Variants in TRIM64C observed in about 807,000 individuals in gnomAD.
TRIM64C encodes the protein tripartite motif-containing protein 64C.
In TRIM64C, 25 loss-of-function variants were observed where a neutral mutation model predicts 36.1. The observed-to-expected ratio is 0.69, with a 90% confidence interval of 0.51 to 0.97. The LOEUF is 0.97. TRIM64C is among the 50% of genes least tolerant of loss of function. TRIM64C has a pLI of 0.00. For synonymous variants in TRIM64C, 212 were observed against 185.7 expected, an observed-to-expected ratio of 1.14 and a Z score of -1.15; for missense variants, 489 against 536.8, an observed-to-expected ratio of 0.91 and a Z score of 0.88.
rs1475360704 is a variant in TRIM64C, at chr11:49,054,017, G to T, written c.1050C>A (p.Ser350=). 6.4e-7 allele frequency: 1 copy of T among 1,551,598 alleles called. No homozygotes were observed. Among genetic ancestry groups the T allele is most frequent in the Non-Finnish European group, 8.7e-7 (1 of 1,146,850 alleles). ...GACAGACTCCCAGAATCCAGTTGGAGGAGTGGGTCACATCCACTTCCCAGT... is the reference window on the plus strand; with the variant it reads ...GACAGACTCCCAGAATCCAGTTGGATGAGTGGGTCACATCCACTTCCCAGT... ...KHYWEVDVTH[S]SNWILGVCRD... Residue 350 remains serine (S), a synonymous_variant, in exon 6 of 6, where the codon TCC becomes TCA. Transcript: ENST00000617704.
intron 2 of TRIM64C, 166 bp downstream of exon 2, chr11:49,057,912 T>A: frequency 3.6e-6 from 2 of 556,890 alleles, no homozygotes; most frequent in Non-Finnish European, 6.3e-6. Context: ...TTGGCTAGCT[T>A]GTGTGGGCTT....
rs1485292333 is a variant in TRIM64C, at chr11:49,053,809, A to C, written c.1258T>G (p.Phe420Val). ...AGAGAACCTTTAGAAACATCAAAAA[A>C]ACTCACAGATCCATTATCATAATCC... ...FLDYDNGSVSFFDVSKGSLIY... is the reference protein window; with the variant it reads ...FLDYDNGSVSVFDVSKGSLIY... Residue 420 changes from phenylalanine (F) to valine (V), a missense_variant, in exon 6 of 6, where the codon TTT becomes GTT. Physicochemically the swap from Phe to Val is conservative, Grantham distance 50. Coordinates refer to ENST00000617704, the MANE Select transcript of TRIM64C (RefSeq NM_001206631.1). The C allele has an allele frequency of 6.4e-7, 1 of 1,551,708 alleles. No homozygotes were observed. Among genetic ancestry groups the C allele is most frequent in the Admixed American group, 2.0e-5 (1 of 51,000 alleles).
intron 1 of TRIM64C, 150 bp downstream of exon 1, chr11:49,058,551 A>G: frequency 1.4e-6 from 2 of 1,439,052 alleles, no homozygotes; most frequent in South Asian, 1.4e-5. Flanking sequence ...CAAATTAGTC[A>G]GCAACATTGA....
Position 49,054,120 on chromosome 11 carries a change from CG to C in TRIM64C, c.946del (p.Arg316AlafsTer32). ...VRRVIFGDDH[R>X]SAPMDPQGVE... Reference sequence around the variant, plus strand: ...TCCTTGGGGATCCATGGGTGCACTGCGATGGTCATCTCCAAATATCACACGT... The same window carrying C: ...TCCTTGGGGATCCATGGGTGCACTGCATGGTCATCTCCAAATATCACACGT... On this transcript the variant is annotated frameshift_variant, in exon 6 of 6. Coordinates refer to ENST00000617704, the MANE Select transcript of TRIM64C (RefSeq NM_001206631.1). LOFTEE classifies it low-confidence loss of function (END_TRUNC). The C allele has an allele frequency of 6.4e-7, 1 of 1,551,560 alleles. No homozygotes were observed. Among genetic ancestry groups the C allele is most frequent in the South Asian group, 1.2e-5 (1 of 84,054 alleles).
intron 4 of TRIM64C, 141 bp from the exon 5 acceptor site, chr11:49,055,548 A>G (rs1854803457): frequency 1.8e-6 from 2 of 1,128,278 alleles, no homozygotes; most frequent in Admixed American, 2.6e-5. Flanking sequence ...TTTATTCCAC[A>G]CTCTAGGGGC....
intron 3 of TRIM64C, among the ~76,000 whole-genome samples, chr11:49,056,846 T>C (rs1384667922): frequency 2.0e-5 from 3 of 151,930 alleles, no homozygotes; most frequent in Non-Finnish European, 4.4e-5. Context: ...GGCATATACA[T>C]GGATATTACT....
chr11:49,055,486 A>T, intron 4 of TRIM64C, 79 bp from the exon 5 acceptor site: 1 of 1,508,444 alleles, frequency 6.6e-7, no homozygotes, highest in Non-Finnish European at 8.9e-7. Flanking sequence ...TCATATTTTC[A>T]TATAAGATGT....
intron 5 of TRIM64C, among the ~76,000 whole-genome samples, 161 bp downstream of exon 5, chr11:49,055,149 C>T (rs1013041361): frequency 2.0e-5 from 3 of 152,136 alleles, no homozygotes; most frequent in African/African-American, 7.2e-5. Flanking sequence ...GAGTTTTGAT[C>T]ATTGTAATAT....
rs1200736375 is a variant in TRIM64C at position 49,058,616 on chromosome 11, T to A, written c.412+85A>T. 13 of 1,522,380 alleles carry A rather than the reference T, an allele frequency of 8.5e-6. No homozygotes were observed. In the African/African-American group the frequency reaches 1.2e-4, roughly 15 times the overall value. 94.3% of individuals were successfully genotyped at this position (1,522,380 alleles called of 1,614,324 possible). A position where few individuals can be genotyped will look rare whatever the true frequency, so the allele number is the denominator to read the frequency against. Reference sequence around the variant, plus strand: ...TGGAATAATCGCCACCTCCACTATCTGCATTCTCATCACCATCATTATCAC... The same window carrying A: ...TGGAATAATCGCCACCTCCACTATCAGCATTCTCATCACCATCATTATCAC... On this transcript the variant is annotated intron_variant, in intron 1 of 5. Transcript: ENST00000617704.
Position 49,053,920 on chromosome 11 carries a change from T to C in TRIM64C, c.1147A>G (p.Thr383Ala), listed in dbSNP as rs926036310. The C allele has an allele frequency of 2.6e-6, 4 of 1,551,542 alleles. No homozygotes were observed. Among genetic ancestry groups the C allele is most frequent in the Non-Finnish European group, 3.5e-6 (4 of 1,146,850 alleles). Reference sequence around the variant, plus strand: ...GTGGAGAGACTATAGTGATTGCTCGTCTTTGAAGAAATTGAAAAAAATGTT... The same window carrying C: ...GTGGAGAGACTATAGTGATTGCTCGCCTTTGAAGAAATTGAAAAAAATGTT... ...DKTFFSISSK[T>A]SNHYSLSTNS... is the part of the protein sequence containing the mutation. Residue 383 changes from threonine to alanine, a missense_variant, in exon 6 of 6, where the codon ACG (threonine) becomes GCG (alanine). Coordinates refer to ENST00000617704, the MANE Select transcript of TRIM64C (RefSeq NM_001206631.1).
chr11:49,055,106 T>G (rs1162217203), intron 5 of TRIM64C, among the ~76,000 whole-genome samples: 1 of 152,258 alleles, frequency 6.6e-6, no homozygotes, highest in Non-Finnish European at 1.5e-5. Flanking sequence ...GTATCTTGCT[T>G]TACATTTTCA....
In TRIM64C at chr11:49,057,132, G is replaced by C. The variant is rs758690817; in HGVS notation, c.738+16C>G. 1.4e-5 allele frequency: 22 copies of C among 1,549,068 alleles called. 1 individual carries two copies. The South Asian group carries it at 2.3e-4, about 16-fold the overall frequency. On this transcript the variant is annotated intron_variant, in intron 3 of 5. Coordinates refer to ENST00000617704, the MANE Select transcript of TRIM64C (RefSeq NM_001206631.1). ...CAAAGGCTTCCTGTCTCTGAGGATG[G>C]ACCCTCCCTCCTCACCTGGAGCAGC...
chr11:49,056,976 A>T (rs191923958), intron 3 of TRIM64C, among the ~76,000 whole-genome samples, 172 bp downstream of exon 3: 17 of 152,042 alleles, frequency 1.1e-4, no homozygotes, highest in African/African-American at 4.1e-4. Context: ...AAAATTTCCC[A>T]AAGATTACCA....
At chr11:49,057,842 A>T (rs1854831844) in intron 2 of TRIM64C, 7 of 514,160 alleles carry the variant, frequency 1.4e-5, no homozygotes, top group Non-Finnish European at 2.5e-5. Context: ...GGTTTATGCC[A>T]ACCTTCAAAT....
In TRIM64C at chr11:49,054,213, A is replaced by G. The variant is rs949994569; in HGVS notation, c.860-6T>C. 1.3e-6 allele frequency: 2 copies of G among 1,550,604 alleles called. No homozygotes were observed. Among genetic ancestry groups the G allele is most frequent in the African/African-American group, 2.7e-5 (2 of 73,018 alleles). ...TGTACTCAGAGCATTATCCACTGAC[A>G]AGGAAAAAATATTATATTAGTGAGT... On this transcript the variant is annotated splice_region_variant and splice_polypyrimidine_tract_variant and intron_variant, in intron 5 of 5. Transcript: ENST00000617704.
At chr11:49,057,416 A>C in intron 2 of TRIM64C, 38 bp from the exon 3 acceptor site, 5 of 1,540,522 alleles carry the variant, frequency 3.2e-6, no homozygotes, top group Non-Finnish European at 4.4e-6. Context: ...ACATGTTCTC[A>C]CTCTCAATAG....
rs1334797507 is a variant in TRIM64C at position 49,054,188 on chromosome 11, T to G, written c.879A>C (p.Thr293=). Reference sequence around the variant, plus strand: ...GGCTTATATAGCAAGGAGTCATTTCTGTACTCAGAGCATTATCCACTGACA... The same window carrying G: ...GGCTTATATAGCAAGGAGTCATTTCGGTACTCAGAGCATTATCCACTGACA... ...NNFRVDNALS[T]EMTPCYISLS... Residue 293 remains threonine, a synonymous_variant, in exon 6 of 6, where the codon ACA becomes ACC. Transcript: ENST00000617704. 3.2e-6 allele frequency: 5 copies of G among 1,551,526 alleles called. No homozygotes were observed. In the South Asian group the frequency reaches 5.9e-5, roughly 18 times the overall value.
Position 49,058,874 on chromosome 11 carries a change from G to T in TRIM64C, c.239C>A (p.Thr80Asn). Residue 80 changes from threonine to asparagine, a missense_variant, in exon 1 of 6, where the codon ACC (threonine) becomes AAC (asparagine). Physicochemically the swap from Thr to Asn is moderately conservative, Grantham distance 65 (BLOSUM62 0). Transcript: ENST00000617704. The stretch of plus-strand genomic sequence containing the variant: ...TGAGCTGTTGATGTTCTGAGGTCTG[G>T]TCTGTCTGGCTAGGGAAGCCAGCTT... ...LKKLASLARQ[T>N]RPQNINSSDN... is the part of the protein sequence containing the mutation. 3 of 1,549,290 alleles carry T rather than the reference G, an allele frequency of 1.9e-6. No individual in the cohort carries two copies. The highest frequency in any genetic ancestry group is 2.6e-6 in the Non-Finnish European group (3 of 1,146,248).
chr11:49,054,222 A>G lies in TRIM64C; in HGVS notation c.860-15T>C, dbSNP rs1854786357. 1.9e-6 allele frequency: 3 copies of G among 1,549,414 alleles called. No individual in the cohort carries two copies. The highest frequency in any genetic ancestry group is 2.7e-5 in the African/African-American group (2 of 73,138). On this transcript the variant is annotated splice_polypyrimidine_tract_variant and intron_variant, in intron 5 of 5. Coordinates refer to ENST00000617704, the MANE Select transcript of TRIM64C (RefSeq NM_001206631.1). ...AGCATTATCCACTGACAAGGAAAAA[A>G]TATTATATTAGTGAGTGCTATGAGG...
Sources: allele counts gnomAD v4.1 joint callset (sites outside exome capture counted in the v4.1 genomes callset), GRCh38; gene constraint gnomAD v4.1.1; transcripts MANE v1.5; gene names NCBI Gene and HGNC (gene_info 2026-07-23, HGNC 2026-07-21).